Variants in ASIC2 observed in about 807,000 individuals in gnomAD.
The protein encoded by ASIC2 is acid-sensing ion channel 2.
Under a neutral mutation model 57.3 loss-of-function variants are expected in ASIC2, and 25 were observed. The observed-to-expected ratio is 0.44, with a 90% CI of 0.32 to 0.61. The LOEUF is 0.61. ASIC2 is among the 20% of genes least tolerant of loss of function. The pLI, the probability that ASIC2 is intolerant of heterozygous loss-of-function variation, is 0.06. For missense variants in ASIC2, 641 were observed against 738.1 expected, an observed-to-expected ratio of 0.87 and a Z score of 1.52; for synonymous variants, 319 against 307.5, an observed-to-expected ratio of 1.04 and a Z score of -0.39.
intron 1 of ASIC2, among the ~76,000 whole-genome samples, chr17:33,569,889 C>T (rs1171424818): frequency 6.6e-6 from 1 of 152,162 alleles, no homozygotes; most frequent in African/African-American, 2.4e-5. Flanking sequence ...TCCCAATTAG[C>T]CTATATTTCC....
chr17:33,723,689 C>G (rs1909456271), intron 1 of ASIC2, among the ~76,000 whole-genome samples: 1 of 152,130 alleles, frequency 6.6e-6, no homozygotes, highest in South Asian at 2.1e-4. Context: ...AGATTAAAGT[C>G]AGAGTAATGG....
At chr17:33,186,097 T>C (rs1906181756) in intron 1 of ASIC2, among the ~76,000 whole-genome samples, 1 of 152,166 alleles carries the variant, frequency 6.6e-6, no homozygotes, top group East Asian at 1.9e-4. Flanking sequence ...TAAATAAATG[T>C]GGTTATGTTC....
intron 3 of ASIC2, among the ~76,000 whole-genome samples, chr17:33,072,185 G>C (rs1399485725): frequency 2.0e-5 from 3 of 152,182 alleles, no homozygotes; most frequent in East Asian, 1.9e-4. Flanking sequence ...TGCAGGGCTG[G>C]AAAGTCTTTC....
chr17:33,947,690 T>A (rs1335307651), intron 1 of ASIC2, among the ~76,000 whole-genome samples: 1 of 152,190 alleles, frequency 6.6e-6, no homozygotes, highest in Non-Finnish European at 1.5e-5. Flanking sequence ...TTTCCATCCA[T>A]CCTTCAAAGA....
chr17:33,471,118 G>A (rs1258477631), intron 1 of ASIC2, among the ~76,000 whole-genome samples: 2 of 152,188 alleles, frequency 1.3e-5, no homozygotes, highest in Non-Finnish European at 2.9e-5. Context: ...ACTCACTGTG[G>A]ATAGATTCAG....
In ASIC2 at chr17:33,368,654, CA is replaced by C. The variant is rs367867784; in HGVS notation, c.556-256588del. 8.5e-5 allele frequency among the ~76,000 whole-genome samples: 13 copies of C among 152,312 alleles called. No homozygotes were observed. In the East Asian group the frequency reaches 1.7e-3, roughly 20 times the overall value. On this transcript the variant is annotated intron_variant, in intron 1 of 9. Coordinates refer to the ASIC2 transcript ENST00000359872. ...CACCACTTTCTACTTTCCATGTTAC[CA>C]CTGACCCCTGGCACTTTTCCCCTCT...
intron 1 of ASIC2, among the ~76,000 whole-genome samples, chr17:33,618,256 G>A (rs1334216815): frequency 6.6e-6 from 1 of 151,866 alleles, no homozygotes; most frequent in Non-Finnish European, 1.5e-5. Context: ...GTCTTGCTGT[G>A]TTGCCTAGGC....
At chr17:34,067,291 G>A (rs1909207427) in intron 1 of ASIC2, among the ~76,000 whole-genome samples, 1 of 152,158 alleles carries the variant, frequency 6.6e-6, no homozygotes, top group South Asian at 2.1e-4. Context: ...ATGGACTTCA[G>A]ATGAAAGAAA....
intron 1 of ASIC2, among the ~76,000 whole-genome samples, chr17:34,066,076 G>A (rs1181641801): frequency 6.6e-6 from 1 of 152,092 alleles, no homozygotes; most frequent in African/African-American, 2.4e-5. Flanking sequence ...TTGAGACCAG[G>A]GGCCTGAGTC....
At chr17:33,568,567 T>A (rs984072582) in intron 1 of ASIC2, among the ~76,000 whole-genome samples, 1 of 152,160 alleles carries the variant, frequency 6.6e-6, no homozygotes, top group Non-Finnish European at 1.5e-5. Context: ...AAGTATGAAA[T>A]GACACCATTC....
intron 1 of ASIC2, among the ~76,000 whole-genome samples, chr17:33,417,154 G>T (rs926241635): frequency 7.2e-5 from 11 of 152,166 alleles, no homozygotes; most frequent in African/African-American, 2.7e-4. Flanking sequence ...CTAGTAGGAC[G>T]CTGGAGGACT....
intron 1 of ASIC2, among the ~76,000 whole-genome samples, chr17:33,302,000 C>T (rs1321942705): frequency 6.6e-6 from 1 of 152,234 alleles, no homozygotes; most frequent in Admixed American, 6.5e-5. Context: ...TGTCCTTCTC[C>T]TCACAGGGGT....
chr17:34,042,233 A>G (rs532933967), intron 1 of ASIC2, among the ~76,000 whole-genome samples: 7 of 152,306 alleles, frequency 4.6e-5, no homozygotes, highest in African/African-American at 1.7e-4. Flanking sequence ...TATTTACCTA[A>G]TAAAAATGGA....
At chr17:33,239,610 G>T (rs549325374) in intron 1 of ASIC2, among the ~76,000 whole-genome samples, 4 of 152,294 alleles carry the variant, frequency 2.6e-5, no homozygotes, top group Non-Finnish European at 2.9e-5. Flanking sequence ...AATAAATGAG[G>T]ATTCTTAAGA....
chr17:33,972,298 A>G (rs1905246676), intron 1 of ASIC2, among the ~76,000 whole-genome samples: 1 of 152,190 alleles, frequency 6.6e-6, no homozygotes, highest in South Asian at 2.1e-4. Flanking sequence ...ACATTTGACG[A>G]TTGATTTAGT....
At chr17:33,202,701 A>C (rs1385664277) in intron 1 of ASIC2, among the ~76,000 whole-genome samples, 1 of 152,226 alleles carries the variant, frequency 6.6e-6, no homozygotes, top group Non-Finnish European at 1.5e-5. Context: ...TGACTTTAAG[A>C]CATAATTGCA....
chr17:33,497,625 C>T (rs1480424236), intron 1 of ASIC2, among the ~76,000 whole-genome samples: 1 of 152,152 alleles, frequency 6.6e-6, no homozygotes, highest in African/African-American at 2.4e-5. Flanking sequence ...GATCCTGCCC[C>T]CACTAGGGCA....
chr17:33,878,326 T>G (rs925882925), intron 1 of ASIC2, among the ~76,000 whole-genome samples: 1 of 152,064 alleles, frequency 6.6e-6, no homozygotes, highest in Non-Finnish European at 1.5e-5. Context: ...AAGGAGGAAG[T>G]TCGAACCCAT....
intron 1 of ASIC2, among the ~76,000 whole-genome samples, chr17:33,783,291 A>C (rs917671604): frequency 1.5e-4 from 23 of 152,322 alleles, no homozygotes; most frequent in African/African-American, 5.3e-4. Flanking sequence ...CTAGGTTCAA[A>C]TCATCCCTTT....
Sources: gnomAD v4.1 joint callset for allele counts (sites outside exome capture counted in the v4.1 genomes callset) on GRCh38, gnomAD v4.1.1 for gene constraint, MANE v1.5 for transcripts, NCBI Gene and HGNC (gene_info 2026-07-23, HGNC 2026-07-21) for gene names.